The following AKAP7 variants were observed in gnomAD, a reference collection of about 807,000 sequenced individuals.
AKAP7 encodes the protein A kinase (PRKA) anchor protein 7.
Under a neutral mutation model 39.5 loss-of-function variants are expected in AKAP7, and 39 were observed. The observed-to-expected ratio is 0.99, with a 90% confidence interval of 0.76 to 1.29. The LOEUF (loss-of-function observed/expected upper bound fraction) is 1.29, where lower values mean the gene tolerates loss of function less well. Ranked by LOEUF, AKAP7 falls within the 50% of genes most tolerant of loss-of-function variation. The pLI is 0.00. For synonymous variants in AKAP7, 140 were observed against 139.1 expected, an observed-to-expected ratio of 1.01 and a Z score of -0.05; for missense variants, 414 against 407.7, an observed-to-expected ratio of 1.02 and a Z score of -0.13.
At chr6:131,178,223 A>G (rs752285394) in intron 5 of AKAP7, among the ~76,000 whole-genome samples, 2 of 152,296 alleles carry the variant, frequency 1.3e-5, no homozygotes, top group Non-Finnish European at 2.9e-5. Context: ...AACCATTTGC[A>G]TTCCTGTGCA....
chr6:131,245,631 C>T (rs80150026), intron 7 of AKAP7, among the ~76,000 whole-genome samples: 2,227 of 152,082 alleles, frequency 0.015, 59 homozygotes, highest in African/African-American at 0.051. Context: ...TATGTTTCCA[C>T]GAATTGTCAA....
intron 7 of AKAP7, among the ~76,000 whole-genome samples, chr6:131,278,190 T>C (rs1304740388): frequency 1.3e-5 from 2 of 152,202 alleles, no homozygotes; most frequent in Non-Finnish European, 2.9e-5. Flanking sequence ...GGGAGAGAAC[T>C]GAGAAGCCGA....
At chr6:131,217,751 A>G (rs1809318817) in intron 6 of AKAP7, among the ~76,000 whole-genome samples, 1 of 152,244 alleles carries the variant, frequency 6.6e-6, no homozygotes. Flanking sequence ...ATTTCTTTAA[A>G]AAATGACATT....
intron 5 of AKAP7, among the ~76,000 whole-genome samples, chr6:131,194,193 G>A (rs1806693240): frequency 6.6e-6 from 1 of 151,676 alleles, no homozygotes; most frequent in African/African-American, 2.4e-5. Flanking sequence ...TTCCCTCTTA[G>A]CATGGCTTTT....
intron 7 of AKAP7, among the ~76,000 whole-genome samples, chr6:131,258,358 G>C (rs1813033117): frequency 6.6e-6 from 1 of 152,156 alleles, no homozygotes; most frequent in Admixed American, 6.6e-5. Flanking sequence ...CAAGATAAAG[G>C]ATATTGATTG....
chr6:131,192,457 T>G (rs1417604729), intron 5 of AKAP7, among the ~76,000 whole-genome samples: 1 of 152,246 alleles, frequency 6.6e-6, no homozygotes, highest in Non-Finnish European at 1.5e-5. Flanking sequence ...ATGTCTGTTT[T>G]TATGCCAGTG....
At chr6:131,157,421 T>C (rs1024307363) in intron 2 of AKAP7, among the ~76,000 whole-genome samples, 1 of 152,240 alleles carries the variant, frequency 6.6e-6, no homozygotes, top group African/African-American at 2.4e-5. Context: ...TACTAATTTA[T>C]TAACAGTAGG....
intron 6 of AKAP7, among the ~76,000 whole-genome samples, chr6:131,212,038 A>G (rs543979215): frequency 3.6e-4 from 55 of 152,332 alleles, no homozygotes; most frequent in African/African-American, 1.3e-3. Flanking sequence ...AGTGTTGCAT[A>G]TCTCATGTAA....
At chr6:131,233,887 C>T (rs1011371776) in intron 7 of AKAP7, among the ~76,000 whole-genome samples, 1 of 152,144 alleles carries the variant, frequency 6.6e-6, no homozygotes, top group African/African-American at 2.4e-5. Context: ...TTTGTCACAG[C>T]TAGACCCTGA....
chr6:131,224,730 CTTTTTTTT>C (rs779047229), intron 7 of AKAP7, among the ~76,000 whole-genome samples: 10 of 55,084 alleles, frequency 1.8e-4, no homozygotes, highest in South Asian at 1.3e-3. Flanking sequence ...AGTTGATTCA[CTTTTTTTT>C]TTTTTTTTTT....
At chr6:131,161,686 T>TAAAAAAAAAAAAAAAAAAAA (rs1392090781) in intron 3 of AKAP7, among the ~76,000 whole-genome samples, 8 of 78,874 alleles carry the variant, frequency 1.0e-4, no homozygotes, top group Non-Finnish European at 2.2e-4. Flanking sequence ...AAAAAAAAAT[T>TAAAAAAAAAAAAAAAAAAAA]AAAGGTCCTA....
chr6:131,241,013 C>T (rs1033226903), intron 7 of AKAP7, among the ~76,000 whole-genome samples: 1 of 152,214 alleles, frequency 6.6e-6, no homozygotes, highest in Admixed American at 6.5e-5. Context: ...CTGCGTCGCT[C>T]ACGCTGGGAG....
intron 6 of AKAP7, among the ~76,000 whole-genome samples, chr6:131,217,734 A>C (rs945495898): frequency 2.6e-5 from 4 of 152,240 alleles, no homozygotes; most frequent in African/African-American, 9.6e-5. Context: ...AGTCAATCTC[A>C]TGTTTTATTT....
Position 131,135,705 on chromosome 6 carries a change from C to T in AKAP7, c.-59C>T. The T allele has an allele frequency of 1.7e-6, 2 of 1,175,650 alleles. No homozygotes were observed. The highest frequency in any genetic ancestry group is 2.1e-6 in the Non-Finnish European group (2 of 954,216). 72.8% of individuals were successfully genotyped at this position (1,175,650 alleles called of 1,614,324 possible). A position where few individuals can be genotyped will look rare whatever the true frequency, so the allele number is the denominator to read the frequency against. ...CTCGGCCTCGCCTCCAGCCCCGGGA[C>T]GCGGCCCGCCACCGCCGCTGCCGCC... On this transcript the variant is annotated 5_prime_UTR_variant, in exon 1 of 8. In the 5' UTR this introduces an upstream ATG that the reference lacks. Coordinates refer to ENST00000431975, the MANE Select transcript of AKAP7 (RefSeq NM_016377.4).
chr6:131,233,493 C>T (rs1810797891), intron 7 of AKAP7, among the ~76,000 whole-genome samples: 1 of 152,138 alleles, frequency 6.6e-6, no homozygotes, highest in Non-Finnish European at 1.5e-5. Flanking sequence ...AGCATCATGC[C>T]TGGACATACT....
intron 6 of AKAP7, among the ~76,000 whole-genome samples, chr6:131,206,993 C>G (rs1585088635): frequency 6.6e-6 from 1 of 152,242 alleles, no homozygotes; most frequent in East Asian, 1.9e-4. Context: ...CTGTTTTAGC[C>G]CTGTTGTTTA....
intron 6 of AKAP7, among the ~76,000 whole-genome samples, chr6:131,203,833 T>G (rs1466744862): frequency 6.6e-6 from 1 of 152,238 alleles, no homozygotes; most frequent in African/African-American, 2.4e-5. Flanking sequence ...GATTTCTGTT[T>G]CTTTGGTACC....
intron 6 of AKAP7, among the ~76,000 whole-genome samples, chr6:131,203,889 G>A (rs929725362): frequency 6.6e-6 from 1 of 152,094 alleles, no homozygotes; most frequent in Non-Finnish European, 1.5e-5. Flanking sequence ...TTCTTTGGGT[G>A]GATATGCCAG....
At chr6:131,228,403 C>CT (rs1009534888) in intron 7 of AKAP7, among the ~76,000 whole-genome samples, 1 of 151,860 alleles carries the variant, frequency 6.6e-6, no homozygotes, top group African/African-American at 2.4e-5. Context: ...GAATGTCTTC[C>CT]TTTTTTTTAG....
Sources: gnomAD v4.1 joint callset for allele counts (sites outside exome capture counted in the v4.1 genomes callset) on GRCh38, gnomAD v4.1.1 for gene constraint, MANE v1.5 for transcripts, NCBI Gene and HGNC (gene_info 2026-07-23, HGNC 2026-07-21) for gene names.